The following RMND1 variants were observed in gnomAD, a reference collection of about 807,000 sequenced individuals.
RMND1 encodes required for meiotic nuclear division protein 1 homolog.
Under a neutral mutation model 54.0 loss-of-function variants are expected in RMND1, and 41 were observed. The observed-to-expected ratio is 0.76, with a 90% CI of 0.59 to 0.98. The LOEUF is 0.98. Among genes scored for constraint, RMND1 ranks in the 50% least tolerant of loss-of-function variants. RMND1 has a pLI of 0.00. For synonymous variants in RMND1, 183 were observed against 181.7 expected, an observed-to-expected ratio of 1.01 and a Z score of -0.06; for missense variants, 457 against 532.0, an observed-to-expected ratio of 0.86 and a Z score of 1.39.
intron 10 of RMND1, chr6:151,413,776 T>A (rs1330905558): frequency 6.6e-6 from 1 of 152,252 alleles, no homozygotes; most frequent in Non-Finnish European, 1.5e-5. Flanking sequence ...TCTAAAACTG[T>A]GTTGATGGAG....
At chr6:151,450,629 C>T (rs1471085970) in intron 1 of RMND1, among the ~76,000 whole-genome samples, 16 of 148,406 alleles carry the variant, frequency 1.1e-4, no homozygotes, top group Middle Eastern at 3.6e-3. Context: ...AGGTGAGGGG[C>T]GCCTCTGCCC....
intron 2 of RMND1, chr6:151,444,625 T>C (rs1780897357): frequency 7.6e-6 from 1 of 132,266 alleles, no homozygotes; most frequent in Non-Finnish European, 1.7e-5. Flanking sequence ...TTAAAGTTGA[T>C]GACTATCGGC....
At chr6:151,406,351 CT>C (rs34311470) in intron 10 of RMND1, among the ~76,000 whole-genome samples, 8 of 149,552 alleles carry the variant, frequency 5.3e-5, no homozygotes, top group Non-Finnish European at 4.5e-5. Flanking sequence ...GATGTGACAA[CT>C]TTTTTTTTTG....
rs1396720060 is a variant in RMND1, at chr6:151,405,758, G to C, written c.1279C>G (p.Arg427Gly). Reference protein sequence around the residue: ...RNHLNEKRALRLEWMIVILIT... With the variant: ...RNHLNEKRALGLEWMIVILIT... ...AGGATGACAATCATCCACTCCAAGC[G>C]GAGTGCCCTCTTCTCATTCAGGTGA... The change falls in exon 11 of 12, where the codon CGC (arginine) becomes GGC (glycine). Residue 427 changes from arginine (R) to glycine (G), a missense_variant. Transcript: ENST00000444024. The C allele has an allele frequency of 6.2e-7, 1 of 1,606,626 alleles. No homozygotes were observed. Among genetic ancestry groups the C allele is most frequent in the Admixed American group, 1.7e-5 (1 of 59,980 alleles).
intron 9 of RMND1, 94 bp from the exon 10 acceptor site, chr6:151,417,493 T>A: frequency 3.3e-6 from 1 of 300,720 alleles, no homozygotes; most frequent in South Asian, 9.3e-5. Flanking sequence ...TTATGAAAAC[T>A]TTTTTTTTTT....
chr6:151,412,553 A>T (rs948367640), intron 10 of RMND1, among the ~76,000 whole-genome samples: 3 of 152,140 alleles, frequency 2.0e-5, no homozygotes, highest in Non-Finnish European at 4.4e-5. Context: ...TCTCTTCCTG[A>T]CAGTCTCTCT....
chr6:151,435,910 G>A (rs1400928173), intron 3 of RMND1, among the ~76,000 whole-genome samples: 1 of 151,042 alleles, frequency 6.6e-6, no homozygotes, highest in African/African-American at 2.4e-5. Context: ...TTCGAGGCCA[G>A]CCTGACCAAC....
At chr6:151,426,968 A>G (rs1008352114) in intron 6 of RMND1, among the ~76,000 whole-genome samples, 3 of 151,850 alleles carry the variant, frequency 2.0e-5, no homozygotes, top group Non-Finnish European at 1.5e-5. Flanking sequence ...ATGGGGTTTC[A>G]CCATGTTGGC....
intron 2 of RMND1, among the ~76,000 whole-genome samples, chr6:151,439,007 G>A (rs570507799): frequency 6.6e-6 from 1 of 152,240 alleles, no homozygotes; most frequent in East Asian, 1.9e-4. Flanking sequence ...CCAGCTACTT[G>A]GGAGGCCAAG....
intron 10 of RMND1, among the ~76,000 whole-genome samples, chr6:151,412,317 A>ATT (rs60862608): frequency 1.4e-5 from 2 of 145,570 alleles, no homozygotes; most frequent in East Asian, 2.0e-4. Flanking sequence ...TTGCTTTTTA[A>ATT]TTTTTTTTTT....
intron 10 of RMND1, 109 bp downstream of exon 10, chr6:151,417,170 G>C (rs1176554196): frequency 8.1e-7 from 1 of 1,232,168 alleles, no homozygotes; most frequent in East Asian, 2.4e-5. Context: ...GAAATATAAA[G>C]AGATTTGAAT....
At chr6:151,409,520 C>G (rs549302955) in intron 10 of RMND1, among the ~76,000 whole-genome samples, 21 of 152,310 alleles carry the variant, frequency 1.4e-4, no homozygotes, top group African/African-American at 4.6e-4. Flanking sequence ...AAATTTTAAT[C>G]ATTGACTAAT....
intron 2 of RMND1, among the ~76,000 whole-genome samples, chr6:151,441,235 A>T (rs1401766609): frequency 6.6e-6 from 1 of 152,192 alleles, no homozygotes; most frequent in African/African-American, 2.4e-5. Flanking sequence ...TGTATTACTG[A>T]AGAAAATTAG....
At chr6:151,442,321 T>A (rs780920950) in intron 2 of RMND1, among the ~76,000 whole-genome samples, 15 of 152,140 alleles carry the variant, frequency 9.9e-5, no homozygotes, top group Non-Finnish European at 2.1e-4. Context: ...AGTATTTACG[T>A]TTATCATGAG....
Position 151,405,027 on chromosome 6 carries a change from C to A in RMND1, c.*208G>T. ...GAGATGACGGGCGTGTGCCAACACACCTGGCTAATTTTGGTATTTTTAGTA... is the reference window on the plus strand; with the variant it reads ...GAGATGACGGGCGTGTGCCAACACAACTGGCTAATTTTGGTATTTTTAGTA... On this transcript the variant is annotated 3_prime_UTR_variant, in exon 12 of 12. Transcript: ENST00000444024. The A allele has an allele frequency of 2.0e-6, 1 of 495,348 alleles. No individual in the cohort carries two copies. Among genetic ancestry groups the A allele is most frequent in the Non-Finnish European group, 3.6e-6 (1 of 279,176 alleles). The allele number at this position is 495,348 out of a possible 1,614,324, so 30.7% of individuals were successfully genotyped here.
intron 4 of RMND1, among the ~76,000 whole-genome samples, chr6:151,432,028 C>A (rs1405200381): frequency 1.4e-5 from 2 of 147,788 alleles, no homozygotes; most frequent in African/African-American, 5.4e-5. Context: ...CATCGCCTCC[C>A]GCATTCAAGT....
At chr6:151,446,956 A>T (rs1188438616) in intron 1 of RMND1, among the ~76,000 whole-genome samples, 1 of 152,088 alleles carries the variant, frequency 6.6e-6, no homozygotes, top group Non-Finnish European at 1.5e-5. Context: ...TAAAAATAAT[A>T]TGTTAGGTGC....
chr6:151,415,049 G>GA (rs112952135), intron 10 of RMND1, among the ~76,000 whole-genome samples: 1,466 of 142,592 alleles, frequency 0.01, 10 homozygotes, highest in East Asian at 0.047. Flanking sequence ...TAAAGTTCTT[G>GA]AAAAAAAAAA....
At chr6:151,447,734 A>T (rs1000795465) in intron 1 of RMND1, among the ~76,000 whole-genome samples, 2 of 151,348 alleles carry the variant, frequency 1.3e-5, no homozygotes, top group Non-Finnish European at 1.5e-5. Context: ...TGAACCACTT[A>T]ATTTTGAAGA....
Sources: allele counts gnomAD v4.1 joint callset (sites outside exome capture counted in the v4.1 genomes callset), GRCh38; gene constraint gnomAD v4.1.1; transcripts MANE v1.5; gene names NCBI Gene and HGNC (gene_info 2026-07-23, HGNC 2026-07-21).